Variants in AQP9 observed in about 807,000 individuals in gnomAD.
AQP9 encodes aquaporin 9.
Under a neutral mutation model 23.8 loss-of-function variants are expected in AQP9, and 19 were observed. That is an observed-to-expected ratio of 0.80 (90% CI 0.56 to 1.17). The LOEUF (loss-of-function observed/expected upper bound fraction) is 1.17, where lower values mean the gene tolerates loss of function less well. Ranked by LOEUF, AQP9 falls within the 50% of genes most tolerant of loss-of-function variation. The pLI is 0.00. For synonymous variants in AQP9, 153 were observed against 131.5 expected, an observed-to-expected ratio of 1.16 and a Z score of -1.12; for missense variants, 413 against 362.0, an observed-to-expected ratio of 1.14 and a Z score of -1.14.
At chr15:58,183,682 C>T (rs1294945766) in intron 5 of AQP9, among the ~76,000 whole-genome samples, 6 of 151,982 alleles carry the variant, frequency 3.9e-5, no homozygotes, top group Non-Finnish European at 5.9e-5. Flanking sequence ...TCAATCTTAA[C>T]GATGGGCTCA....
chr15:58,157,961 T>G (rs1362160718), intron 1 of AQP9, among the ~76,000 whole-genome samples: 3 of 152,154 alleles, frequency 2.0e-5, no homozygotes, highest in Non-Finnish European at 2.9e-5. Flanking sequence ...TTTTCTGAAC[T>G]AGGGTGACCA....
chr15:58,148,341 G>T (rs1898086615), intron 1 of AQP9, among the ~76,000 whole-genome samples: 1 of 152,176 alleles, frequency 6.6e-6, no homozygotes, highest in Admixed American at 6.5e-5. Flanking sequence ...TCTCTAAGAG[G>T]GGAACAGAAT....
At chr15:58,147,134 G>C (rs770345201) in intron 1 of AQP9, among the ~76,000 whole-genome samples, 1 of 152,132 alleles carries the variant, frequency 6.6e-6, no homozygotes, top group Non-Finnish European at 1.5e-5. Context: ...TGCCAAACAG[G>C]ATTCTGCTTC....
intron 1 of AQP9, among the ~76,000 whole-genome samples, chr15:58,142,481 TAC>T (rs1196693003): frequency 1.3e-5 from 2 of 152,218 alleles, no homozygotes; most frequent in Non-Finnish European, 2.9e-5. Context: ...GGGGATATTT[TAC>T]AGGAGATCTG....
At chr15:58,171,024 A>G (rs1192937464) in intron 2 of AQP9, among the ~76,000 whole-genome samples, 1 of 151,658 alleles carries the variant, frequency 6.6e-6, no homozygotes, top group Admixed American at 6.6e-5. Context: ...TCCTGGGTTC[A>G]AGCAATTCTC....
chr15:58,141,337 G>A (rs550065932), intron 1 of AQP9, among the ~76,000 whole-genome samples: 7 of 152,204 alleles, frequency 4.6e-5, no homozygotes, highest in South Asian at 4.1e-4. Flanking sequence ...TTCCTCCTGA[G>A]GTGGAAGGAC....
chr15:58,141,699 G>A (rs577098552), intron 1 of AQP9, among the ~76,000 whole-genome samples: 36 of 152,322 alleles, frequency 2.4e-4, no homozygotes, highest in Middle Eastern at 6.8e-3. Context: ...GACTGGGTGA[G>A]AAATCATCCC....
chr15:58,179,925 G>A (rs1389211452), intron 5 of AQP9, among the ~76,000 whole-genome samples: 1 of 152,174 alleles, frequency 6.6e-6, no homozygotes, highest in African/African-American at 2.4e-5. Context: ...TAACTGCCAG[G>A]GAAGCAGGGA....
intron 1 of AQP9, among the ~76,000 whole-genome samples, chr15:58,156,977 C>T (rs1898275892): frequency 6.6e-6 from 1 of 152,082 alleles, no homozygotes; most frequent in Non-Finnish European, 1.5e-5. Context: ...TTTCCTCCTC[C>T]TAAAGGGGAT....
chr15:58,181,500 T>C (rs545314118), intron 5 of AQP9, among the ~76,000 whole-genome samples: 1 of 152,304 alleles, frequency 6.6e-6, no homozygotes, highest in South Asian at 2.1e-4. Flanking sequence ...TATTTGGATA[T>C]GCTTAAACAA....
At chr15:58,161,312 T>G (rs1898379057) in intron 1 of AQP9, among the ~76,000 whole-genome samples, 1 of 152,236 alleles carries the variant, frequency 6.6e-6, no homozygotes, top group Non-Finnish European at 1.5e-5. Flanking sequence ...ATTAAAGTTT[T>G]GTAGGAATTC....
chr15:58,165,656 T>G (rs1898483930), intron 1 of AQP9, among the ~76,000 whole-genome samples: 1 of 152,022 alleles, frequency 6.6e-6, no homozygotes, highest in South Asian at 2.1e-4. Context: ...CTTTATTCTA[T>G]TTTTTTGTTT....
chr15:58,184,275 A>G lies in AQP9; in HGVS notation c.*140A>G. ...GCCATATGGGACATCTAATTGGAAA[A>G]GCATCTGCATAAAAGTTTGGAAACA... On this transcript the variant is annotated 3_prime_UTR_variant, in exon 6 of 6. Transcript: ENST00000219919. The G allele has an allele frequency of 1.2e-6, 1 of 853,286 alleles. No homozygotes were observed. Among genetic ancestry groups the G allele is most frequent in the Non-Finnish European group, 1.8e-6 (1 of 560,960 alleles). The allele number at this position is 853,286 out of a possible 1,614,324, so 52.9% of individuals were successfully genotyped here. A position where few individuals can be genotyped will look rare whatever the true frequency, so the allele number is the denominator to read the frequency against.
At chr15:58,173,426 A>G (rs1169513695) in intron 3 of AQP9, among the ~76,000 whole-genome samples, 3 of 152,224 alleles carry the variant, frequency 2.0e-5, no homozygotes, top group African/African-American at 7.2e-5. Flanking sequence ...CAGAACTTAA[A>G]GGAAGCCTGT....
chr15:58,171,123 C>T (rs753922906), intron 2 of AQP9, among the ~76,000 whole-genome samples: 6 of 146,946 alleles, frequency 4.1e-5, no homozygotes. Context: ...GAGTTTCGCT[C>T]GTTGCCCAGG....
At chr15:58,172,801 C>T (rs1446191392) in intron 2 of AQP9, among the ~76,000 whole-genome samples, 1 of 152,180 alleles carries the variant, frequency 6.6e-6, no homozygotes, top group Non-Finnish European at 1.5e-5. Flanking sequence ...CACTTGAGCA[C>T]ATCAAGTTTC....
intron 1 of AQP9, among the ~76,000 whole-genome samples, chr15:58,161,401 G>A (rs1419972737): frequency 6.6e-6 from 1 of 152,042 alleles, no homozygotes; most frequent in East Asian, 1.9e-4. Context: ...AGTAAAAAAA[G>A]CATTTATCTT....
intron 2 of AQP9, among the ~76,000 whole-genome samples, chr15:58,168,015 G>C (rs947084204): frequency 6.6e-6 from 1 of 150,840 alleles, no homozygotes; most frequent in African/African-American, 2.4e-5. Context: ...GTAAGCCACC[G>C]CACCCTGCCT....
At chr15:58,175,759 A>G (rs1436427347) in intron 4 of AQP9, among the ~76,000 whole-genome samples, 4 of 152,196 alleles carry the variant, frequency 2.6e-5, no homozygotes, top group Non-Finnish European at 5.9e-5. Context: ...CAGAATGGGC[A>G]TGTGTATAAA....
Sources: gnomAD v4.1 joint callset for allele counts (sites outside exome capture counted in the v4.1 genomes callset) on GRCh38, gnomAD v4.1.1 for gene constraint, MANE v1.5 for transcripts, NCBI Gene and HGNC (gene_info 2026-07-23, HGNC 2026-07-21) for gene names.